PATJ: variants seen among roughly 807,000 people sequenced by gnomAD.
PATJ encodes PATJ crumbs cell polarity complex component, also known as inaD-like protein.
PATJ carries 190 observed loss-of-function variants against 224.9 expected under a neutral mutation model. The ratio of observed to expected loss-of-function variants is 0.84; its 90% CI spans 0.75 to 0.95. PATJ has a LOEUF of 0.95. Ranked by LOEUF, PATJ falls within the 40% of genes least tolerant of loss-of-function variation. The pLI is 0.00. For missense variants in PATJ, 2,121 were observed against 2,270.3 expected (o/e 0.93, Z 1.34); for synonymous variants, 769 against 820.3 (o/e 0.94, Z 1.07).
At chr1:62,059,432 G>A (rs1279948169) in intron 31 of PATJ, among the ~76,000 whole-genome samples, 2 of 151,952 alleles carry the variant, frequency 1.3e-5, no homozygotes, top group Non-Finnish European at 1.5e-5. Flanking sequence ...GACCAGCCTG[G>A]CCAACATAGT....
At chr1:62,025,118 A>G (rs1272746305) in intron 29 of PATJ, among the ~76,000 whole-genome samples, 2 of 152,230 alleles carry the variant, frequency 1.3e-5, no homozygotes, top group Admixed American at 6.5e-5. Flanking sequence ...TGAACAGATA[A>G]GAAATAGAGC....
intron 22 of PATJ, among the ~76,000 whole-genome samples, chr1:61,891,504 G>A (rs1158477130): frequency 6.6e-6 from 1 of 152,162 alleles, no homozygotes; most frequent in African/African-American, 2.4e-5. Context: ...GTTTGTGGGA[G>A]TCTGTGGCCT....
chr1:61,949,187 G>A (rs145461912), intron 27 of PATJ, among the ~76,000 whole-genome samples: 1,868 of 151,706 alleles, frequency 0.012, 41 homozygotes, highest in African/African-American at 0.042. Context: ...CATTGTGCAC[G>A]TGTACCATAG....
At chr1:61,896,504 G>C (rs1242140647) in intron 22 of PATJ, among the ~76,000 whole-genome samples, 1 of 152,124 alleles carries the variant, frequency 6.6e-6, no homozygotes, top group Non-Finnish European at 1.5e-5. Context: ...CCTTGTCTGA[G>C]ATGAGACTTT....
intron 17 of PATJ, among the ~76,000 whole-genome samples, chr1:61,834,945 T>C (rs1381234343): frequency 6.6e-6 from 1 of 152,160 alleles, no homozygotes; most frequent in Non-Finnish European, 1.5e-5. Context: ...GCCAGGCTGG[T>C]CTCGAACTCC....
chr1:61,956,223 T>G (rs1451726224), intron 27 of PATJ, among the ~76,000 whole-genome samples: 1 of 152,230 alleles, frequency 6.6e-6, no homozygotes, highest in Non-Finnish European at 1.5e-5. Flanking sequence ...GCAAGTCTCC[T>G]GATGCTAACC....
intron 20 of PATJ, among the ~76,000 whole-genome samples, chr1:61,870,084 G>A (rs943024699): frequency 1.3e-5 from 2 of 152,252 alleles, no homozygotes; most frequent in Non-Finnish European, 2.9e-5. Context: ...AAGGGCCAGT[G>A]TGACAGCCTT....
chr1:62,030,526 T>A (rs1649029536), intron 29 of PATJ, among the ~76,000 whole-genome samples: 1 of 151,770 alleles, frequency 6.6e-6, no homozygotes, highest in African/African-American at 2.4e-5. Flanking sequence ...TTATTTTTAA[T>A]TGGGGTATAA....
chr1:62,091,828 G>T (rs946047624), intron 33 of PATJ, among the ~76,000 whole-genome samples: 3 of 152,106 alleles, frequency 2.0e-5, no homozygotes, highest in African/African-American at 7.2e-5. Flanking sequence ...GGCCGAGGTG[G>T]GCGGATCACC....
intron 37 of PATJ, 84 bp downstream of exon 37, chr1:62,117,302 AAAT>A: frequency 6.3e-7 from 1 of 1,589,050 alleles, no homozygotes; most frequent in South Asian, 1.1e-5. Context: ...GGTTGTTTGG[AAAT>A]AATATCTAAT....
rs1405096402 is a variant in PATJ at position 61,805,539 on chromosome 1, T to C, written c.1626+15T>C. The C allele has an allele frequency of 6.8e-7, 1 of 1,462,962 alleles. No individual in the cohort carries two copies. The highest frequency in any genetic ancestry group is 9.6e-7 in the Non-Finnish European group (1 of 1,045,170). 90.6% of individuals were successfully genotyped at this position (1,462,962 alleles called of 1,614,324 possible). A position where few individuals can be genotyped will look rare whatever the true frequency, so the allele number is the denominator to read the frequency against. On this transcript the variant is annotated intron_variant, in intron 13 of 43. Coordinates refer to ENST00000642238, the MANE Select transcript of PATJ (RefSeq NM_001350145.3). ...ATGAAGTAATGGTATGTTAAAATGCTCTAATAAAAAACATTCATGTCTCAT... is the reference window on the plus strand; with the variant it reads ...ATGAAGTAATGGTATGTTAAAATGCCCTAATAAAAAACATTCATGTCTCAT...
chr1:62,007,412 G>A (rs1646156772), intron 28 of PATJ, among the ~76,000 whole-genome samples: 1 of 152,192 alleles, frequency 6.6e-6, no homozygotes, highest in Admixed American at 6.5e-5. Context: ...AGCTCCTTTG[G>A]ACAGAAAGCT....
At chr1:62,041,022 G>C (rs1651388486) in intron 30 of PATJ, among the ~76,000 whole-genome samples, 1 of 152,132 alleles carries the variant, frequency 6.6e-6, no homozygotes, top group African/African-American at 2.4e-5. Flanking sequence ...AGCTTAAATA[G>C]CATCTTTAAC....
intron 11 of PATJ, among the ~76,000 whole-genome samples, chr1:61,800,307 A>G (rs1462704986): frequency 2.0e-5 from 3 of 152,150 alleles, no homozygotes; most frequent in Non-Finnish European, 4.4e-5. Flanking sequence ...CTGATATGAG[A>G]TGGTATCTCA....
intron 1 of PATJ, among the ~76,000 whole-genome samples, chr1:61,745,447 T>C (rs1249299969): frequency 1.3e-5 from 2 of 151,988 alleles, no homozygotes; most frequent in Admixed American, 6.6e-5. Context: ...CTAATTTTTG[T>C]ATTTTTAGTA....
intron 43 of PATJ, among the ~76,000 whole-genome samples, chr1:62,154,666 A>G (rs1409966284): frequency 1.3e-5 from 2 of 148,634 alleles, no homozygotes; most frequent in African/African-American, 5.0e-5. Flanking sequence ...AAAAAAAAGA[A>G]AAGAGAGAGA....
intron 8 of PATJ, among the ~76,000 whole-genome samples, chr1:61,788,872 C>G (rs764727726): frequency 6.6e-6 from 1 of 152,070 alleles, no homozygotes; most frequent in African/African-American, 2.4e-5. Flanking sequence ...TGGAGTTTCT[C>G]CATGTTGGTC....
In PATJ at chr1:61,847,812, G is replaced by A. The variant is rs1037032394; in HGVS notation, c.2113-8218G>A. 7.2e-5 allele frequency among the ~76,000 whole-genome samples: 11 copies of A among 152,250 alleles called. No homozygotes were observed. The East Asian group carries it at 1.2e-3, about 16-fold the overall frequency. ...ATTGTTTTAAACCAGAACTGTTCTC[G>A]TGATTTTAATTCAGCTAATGGTTCC... On this transcript the variant is annotated intron_variant, in intron 17 of 43. Coordinates refer to ENST00000642238, the MANE Select transcript of PATJ (RefSeq NM_001350145.3).
intron 27 of PATJ, among the ~76,000 whole-genome samples, chr1:61,938,261 G>T (rs1249317510): frequency 6.6e-6 from 1 of 152,100 alleles, no homozygotes; most frequent in African/African-American, 2.4e-5. Context: ...TGATTGGTTG[G>T]GGTATCAAGG....
Sources: gnomAD v4.1 joint callset for allele counts (sites outside exome capture counted in the v4.1 genomes callset) on GRCh38, gnomAD v4.1.1 for gene constraint, MANE v1.5 for transcripts, NCBI Gene and HGNC (gene_info 2026-07-23, HGNC 2026-07-21) for gene names.